CLDN10: variants seen among roughly 807,000 people sequenced by gnomAD.
CLDN10 encodes claudin 10.
In CLDN10, 15 loss-of-function variants were observed where a neutral mutation model predicts 22.9. That is an observed-to-expected ratio of 0.65 (90% CI 0.44 to 1.01). CLDN10 has a LOEUF of 1.01. Ranked by LOEUF, CLDN10 falls within the 50% of genes least tolerant of loss-of-function variation. The pLI is 0.00. For synonymous variants in CLDN10, 114 were observed against 111.4 expected, an observed-to-expected ratio of 1.02 and a Z score of -0.15; for missense variants, 247 against 287.8, an observed-to-expected ratio of 0.86 and a Z score of 1.03.
chr13:95,531,539 CT>C (rs559049325), intron 1 of CLDN10, among the ~76,000 whole-genome samples: 1 of 150,068 alleles, frequency 6.7e-6, no homozygotes. Flanking sequence ...TCAGTATTAC[CT>C]TTTTTTTTGA....
chr13:95,529,606 A>T (rs2043319553), intron 1 of CLDN10, among the ~76,000 whole-genome samples: 1 of 152,136 alleles, frequency 6.6e-6, no homozygotes, highest in South Asian at 2.1e-4. Flanking sequence ...TTTTGGCTTC[A>T]TGAGGTAGTA....
At chr13:95,571,336 T>G (rs2043857323) in intron 3 of CLDN10, among the ~76,000 whole-genome samples, 1 of 152,196 alleles carries the variant, frequency 6.6e-6, no homozygotes, top group South Asian at 2.1e-4. Context: ...GTCTTTATTT[T>G]AGGTTTCCTA....
intron 1 of CLDN10, among the ~76,000 whole-genome samples, chr13:95,482,016 C>A (rs2042752978): frequency 6.6e-6 from 1 of 152,064 alleles, no homozygotes; most frequent in Non-Finnish European, 1.5e-5. Context: ...GAGACTCTGA[C>A]TCAAAAAAGT....
intron 1 of CLDN10, among the ~76,000 whole-genome samples, chr13:95,463,547 G>C (rs2042557846): frequency 6.6e-6 from 1 of 150,916 alleles, no homozygotes. Flanking sequence ...TGCTCAGGCT[G>C]GTCTTGAACT....
chr13:95,574,093 G>A (rs182165515), intron 3 of CLDN10, among the ~76,000 whole-genome samples: 16 of 152,204 alleles, frequency 1.1e-4, no homozygotes, highest in African/African-American at 3.9e-4. Flanking sequence ...GTGTATATGT[G>A]CCACATTTTC....
At position 95,552,810 on chromosome 13, in the gene CLDN10, A is replaced by G; in HGVS notation, c.57A>G (p.Val19=). ...TCATGGTCTCCATCTCAGGCTGGGTACTGGTGTCCTCCACGCTGCCCACCG... is the reference window on the plus strand; with the variant it reads ...TCATGGTCTCCATCTCAGGCTGGGTGCTGGTGTCCTCCACGCTGCCCACCG... ...IAFMVSISGW[V]LVSSTLPTDY... Residue 19 remains valine (V), a synonymous_variant, in exon 1 of 5, where the codon GTA becomes GTG. Transcript: ENST00000299339. The G allele has an allele frequency of 6.2e-7, 1 of 1,613,962 alleles. No homozygotes were observed. The highest frequency in any genetic ancestry group is 8.5e-7 in the Non-Finnish European group (1 of 1,179,956).
intron 1 of CLDN10, among the ~76,000 whole-genome samples, chr13:95,438,637 G>T (rs564384224): frequency 6.6e-6 from 1 of 152,274 alleles, no homozygotes; most frequent in East Asian, 1.9e-4. Flanking sequence ...TCACTTTCCA[G>T]ATGCTTCACC....
At chr13:95,452,647 T>C (rs2042442199) in intron 1 of CLDN10, among the ~76,000 whole-genome samples, 1 of 152,204 alleles carries the variant, frequency 6.6e-6, no homozygotes, top group South Asian at 2.1e-4. Flanking sequence ...TTAGTAAAAG[T>C]GCAAGGTAAA....
intron 1 of CLDN10, among the ~76,000 whole-genome samples, chr13:95,488,477 T>C (rs1453600070): frequency 3.3e-5 from 5 of 151,126 alleles, no homozygotes; most frequent in Non-Finnish European, 7.4e-5. Flanking sequence ...CCGAGCAGTA[T>C]ACACTGCACC....
Position 95,576,253 on chromosome 13 carries a change from C to T in CLDN10, c.465-978C>T, listed in dbSNP as rs139698257. ...CCCTGTCTTGCCTTCTCCTGGACCT[C>T]TTACTTTCTTGCCTCATCTCCCCTA... On this transcript the variant is annotated intron_variant, in intron 3 of 4. Transcript: ENST00000299339. Among the ~76,000 whole-genome samples, 6 of 152,300 alleles carry T rather than the reference C, an allele frequency of 3.9e-5. No individual in the cohort carries two copies. The East Asian group carries it at 1.2e-3, about 29-fold the overall frequency.
chr13:95,545,895 GGCCAGA>G (rs1284943902), intron 1 of CLDN10, among the ~76,000 whole-genome samples: 1 of 152,084 alleles, frequency 6.6e-6, no homozygotes, highest in African/African-American at 2.4e-5. Flanking sequence ...TGAGAGCACG[GGCCAGA>G]GCTCAAAGCA....
intron 3 of CLDN10, among the ~76,000 whole-genome samples, chr13:95,563,257 A>G (rs1258250944): frequency 6.6e-6 from 1 of 152,122 alleles, no homozygotes; most frequent in Non-Finnish European, 1.5e-5. Flanking sequence ...GGCACAGAGC[A>G]AACACCTTGT....
chr13:95,497,325 G>A (rs1342184315), intron 1 of CLDN10, among the ~76,000 whole-genome samples: 1 of 152,166 alleles, frequency 6.6e-6, no homozygotes, highest in Non-Finnish European at 1.5e-5. Flanking sequence ...GGCTCTTAGA[G>A]GACAATATAG....
chr13:95,478,177 G>A (rs1320958555), intron 1 of CLDN10, among the ~76,000 whole-genome samples: 3 of 152,066 alleles, frequency 2.0e-5, no homozygotes, highest in African/African-American at 7.2e-5. Context: ...ACATGGTGGT[G>A]CATGCCTGTA....
At chr13:95,553,013 T>C (rs774032381) in intron 1 of CLDN10, 40 bp downstream of exon 1, 21 of 1,607,112 alleles carry the variant, frequency 1.3e-5, no homozygotes, top group Non-Finnish European at 1.7e-5. Flanking sequence ...CCCTCCTTCC[T>C]TGATGGCCAG....
At chr13:95,463,808 G>A (rs140602824) in intron 1 of CLDN10, among the ~76,000 whole-genome samples, 134 of 152,008 alleles carry the variant, frequency 8.8e-4, no homozygotes, top group African/African-American at 3.1e-3. Flanking sequence ...TTTGTCTTTG[G>A]ACAAAAAGAG....
chr13:95,517,363 C>A (rs1004128055), intron 1 of CLDN10, among the ~76,000 whole-genome samples: 1 of 152,032 alleles, frequency 6.6e-6, no homozygotes, highest in African/African-American at 2.4e-5. Context: ...GGGGTAGACA[C>A]CCCCCGAACC....
chr13:95,566,381 A>ATG (rs1414490962), intron 3 of CLDN10, among the ~76,000 whole-genome samples: 5 of 152,192 alleles, frequency 3.3e-5, no homozygotes, highest in Non-Finnish European at 7.3e-5. Context: ...AGCAGTGATG[A>ATG]TGAGCATTTT....
At chr13:95,451,088 TG>T (rs1166281590) in intron 1 of CLDN10, among the ~76,000 whole-genome samples, 1 of 152,252 alleles carries the variant, frequency 6.6e-6, no homozygotes, top group Non-Finnish European at 1.5e-5. Context: ...GTAGTGGCCA[TG>T]GCAGGATGCA....
Sources: allele counts gnomAD v4.1 joint callset (sites outside exome capture counted in the v4.1 genomes callset), GRCh38; gene constraint gnomAD v4.1.1; transcripts MANE v1.5; gene names NCBI Gene and HGNC (gene_info 2026-07-23, HGNC 2026-07-21).